ZNF202: variants seen among roughly 807,000 people sequenced by gnomAD.
The protein encoded by ZNF202 is zinc finger protein with KRAB and SCAN domains 10.
In ZNF202, 22 loss-of-function variants were observed where a neutral mutation model predicts 54.5. The ratio of observed to expected loss-of-function variants is 0.40; its 90% confidence interval spans 0.29 to 0.58. The LOEUF (loss-of-function observed/expected upper bound fraction) is 0.58, where lower values mean the gene tolerates loss of function less well. Ranked by LOEUF, ZNF202 falls within the 20% of genes least tolerant of loss-of-function variation. The probability of loss-of-function intolerance (pLI) is 0.39; values close to 1 mark genes in which losing one functional copy is unlikely to be tolerated. For missense variants in ZNF202, 644 were observed against 805.5 expected (o/e 0.80, Z 2.43); for synonymous variants, 294 against 301.4 (o/e 0.98, Z 0.26).
intron 6 of ZNF202, among the ~76,000 whole-genome samples, chr11:123,728,829 A>AC (rs1861272761): frequency 6.6e-6 from 1 of 152,050 alleles, no homozygotes; most frequent in Non-Finnish European, 1.5e-5. Flanking sequence ...TTAAAAAAAA[A>AC]AAAAACTAAA....
rs1031481128 is a variant in ZNF202 at position 123,726,726 on chromosome 11, G to A, written c.1218C>T (p.Phe406=). The A allele has an allele frequency of 1.2e-6, 2 of 1,614,220 alleles. No individual in the cohort carries two copies. The highest frequency in any genetic ancestry group is 4.5e-5 in the East Asian group (2 of 44,886). The change falls in exon 9 of 9, where the codon TTC becomes TTT. Residue 406 remains phenylalanine, a synonymous_variant. Transcript: ENST00000530393. This position sits in a 1 kb window ranked among gnomAD's most constrained non-coding sequence, Gnocchi z 6.0. ...GTCTAACAAGGTGGGAGTTACAAGT[G>A]AAGCTCTTTCCACACACAGAACAGT... ...HHDCSVCGKS[F]TCNSHLVRHL...
At chr11:123,737,845 A>G (rs1168916889) in intron 3 of ZNF202, among the ~76,000 whole-genome samples, 1 of 152,144 alleles carries the variant, frequency 6.6e-6, no homozygotes, top group Non-Finnish European at 1.5e-5. Context: ...GAGTCTTGGG[A>G]TGATTCTTTA....
At chr11:123,729,469 G>C in intron 5 of ZNF202, 146 bp downstream of exon 5, 1 of 1,067,562 alleles carries the variant, frequency 9.4e-7, no homozygotes, top group East Asian at 2.6e-5. Flanking sequence ...TGGCGGTACT[G>C]TCTCCTCTTG....
chr11:123,737,441 G>T (rs1175025661), intron 3 of ZNF202, among the ~76,000 whole-genome samples: 1 of 152,116 alleles, frequency 6.6e-6, no homozygotes, highest in African/African-American at 2.4e-5. Flanking sequence ...GGGAGAAATG[G>T]CTCAAAATTT....
intron 3 of ZNF202, among the ~76,000 whole-genome samples, chr11:123,732,055 C>A (rs2137341772): frequency 6.6e-6 from 1 of 152,318 alleles, no homozygotes; most frequent in South Asian, 2.1e-4. Context: ...TCTGCACAGG[C>A]TACTCTCCAC....
intron 3 of ZNF202, among the ~76,000 whole-genome samples, chr11:123,735,426 C>A (rs1396113061): frequency 1.3e-5 from 2 of 152,150 alleles, no homozygotes; most frequent in Non-Finnish European, 2.9e-5. Flanking sequence ...TCAGAAATCA[C>A]AAGCTGAGAT....
Position 123,724,713 on chromosome 11 carries a change from C to T in ZNF202, c.*1284G>A, listed in dbSNP as rs1009638667. ...TAACTGGCAACAGAGATTGTTGGGC[C>T]ATCATGAGATGCTACTTTCTAGCTC... is the stretch of plus-strand genomic sequence containing the variant. On this transcript the variant is annotated 3_prime_UTR_variant, in exon 9 of 9. Transcript: ENST00000530393. The T allele has an allele frequency of 1.3e-5, 2 of 152,200 alleles. No homozygotes were observed. Among genetic ancestry groups the T allele is most frequent in the Admixed American group, 6.5e-5 (1 of 15,282 alleles). 9.4% of individuals were successfully genotyped at this position (152,200 alleles called of 1,614,324 possible). A position where few individuals can be genotyped will look rare whatever the true frequency, so the allele number is the denominator to read the frequency against.
intron 3 of ZNF202, among the ~76,000 whole-genome samples, chr11:123,733,808 G>C (rs1468501334): frequency 6.6e-6 from 1 of 152,126 alleles, no homozygotes; most frequent in Non-Finnish European, 1.5e-5. Flanking sequence ...GTAATGTTTG[G>C]CCTACCCAAG....
chr11:123,725,921 T>C lies in ZNF202; in HGVS notation c.*76A>G. 1 of 1,508,148 alleles carries C rather than the reference T, an allele frequency of 6.6e-7. No individual in the cohort carries two copies. The highest frequency in any genetic ancestry group is 2.2e-5 in the Admixed American group (1 of 46,342). The allele number at this position is 1,508,148 out of a possible 1,614,324, so 93.4% of individuals were successfully genotyped here. A position where few individuals can be genotyped will look rare whatever the true frequency, so the allele number is the denominator to read the frequency against. On this transcript the variant is annotated 3_prime_UTR_variant, in exon 9 of 9. Coordinates refer to ENST00000530393, the MANE Select transcript of ZNF202 (RefSeq NM_003455.4). ...CTCCCTCGAAAAGGTCTTCCCAGGC[T>C]GACAAGAGGGCTTTTCCTCTTCCTC...
In ZNF202 at chr11:123,730,983, G is replaced by A. The variant is rs750757970; in HGVS notation, c.-95C>T. On this transcript the variant is annotated splice_region_variant and 5_prime_UTR_variant, in exon 4 of 9. Transcript: ENST00000530393. This position sits in a 1 kb window ranked among gnomAD's most constrained non-coding sequence, Gnocchi z 6.0. ...ACACAGCGAGGATTTTCTTCCAAGGGCCCTGGATAGAGAAGTAAAGACAAA... is the reference window on the plus strand; with the variant it reads ...ACACAGCGAGGATTTTCTTCCAAGGACCCTGGATAGAGAAGTAAAGACAAA... 3.4e-4 allele frequency: 485 copies of A among 1,430,326 alleles called. No homozygotes were observed. The highest frequency in any genetic ancestry group is 4.4e-4 in the Non-Finnish European group (470 of 1,061,204). 88.6% of individuals were successfully genotyped at this position (1,430,326 alleles called of 1,614,324 possible).
rs767527159 is a variant in ZNF202, at chr11:123,727,570, C to G, written c.858G>C (p.Glu286Asp). The G allele has an allele frequency of 7.4e-6, 12 of 1,614,080 alleles. No individual in the cohort carries two copies. The highest frequency in any genetic ancestry group is 5.1e-6 in the Non-Finnish European group (6 of 1,179,986). ...GCTCTTCCTCTCTAACCTGGGAGAT[C>G]TCATCAGGTCTGGGGATTGGAAATG... is the stretch of plus-strand genomic sequence containing the variant. ...SLSFPIPRPD[E>D]ISQVREEEPW... Residue 286 changes from glutamate to aspartate, a missense_variant, in exon 8 of 9, where the codon GAG becomes GAC. Glu to Asp is a conservative substitution (Grantham distance 45). Transcript: ENST00000530393.
At position 123,730,654 on chromosome 11, in the gene ZNF202, T is replaced by C; in HGVS notation, c.235A>G (p.Arg79Gly). ...TCTAGGATCTGCTCCTTTGTCCGCCTCTCTGGTCTCAGCCACTGGTGACAA... is the reference window on the plus strand; with the variant it reads ...TCTAGGATCTGCTCCTTTGTCCGCCCCTCTGGTCTCAGCCACTGGTGACAA... The part of the protein sequence containing the change: ...ELCHQWLRPE[R>G]RTKEQILELL... Residue 79 changes from arginine to glycine, a missense_variant, in exon 4 of 9, where the codon AGG becomes GGG. Arg to Gly is a moderately radical substitution (Grantham distance 125). Around this residue, in one of 3 missense-constraint regions of ZNF202, gnomAD observed 62 missense variants for 122.8 expected, o/e 0.50. Transcript: ENST00000530393. The surrounding 1 kb of genome is among the most constrained non-coding windows in gnomAD (Gnocchi z 6.0). 6.2e-7 allele frequency: 1 copy of C among 1,613,984 alleles called. No individual in the cohort carries two copies. The highest frequency in any genetic ancestry group is 8.5e-7 in the Non-Finnish European group (1 of 1,179,896).
At position 123,726,046 on chromosome 11, in the gene ZNF202, C is replaced by A. The variant is rs1487623543; in HGVS notation, c.1898G>T (p.Gly633Val). ...CPTCGKSFSR[G>V]YHLIRHQRTH... ...CCTCTGATGCCTAATTAAGTGATAT[C>A]CTCTGCTGAAGCTTTTTCCACAGGT... The change falls in exon 9 of 9, where the codon GGA becomes GTA. Residue 633 changes from glycine (G) to valine (V), a missense_variant. Gly to Val is a moderately radical substitution (Grantham distance 109). Coordinates refer to ENST00000530393, the MANE Select transcript of ZNF202 (RefSeq NM_003455.4). The surrounding 1 kb of genome is among the most constrained non-coding windows in gnomAD (Gnocchi z 6.0). The A allele has an allele frequency of 1.7e-5, 27 of 1,614,058 alleles. No homozygotes were observed. Among genetic ancestry groups the A allele is most frequent in the Non-Finnish European group, 2.3e-5 (27 of 1,180,036 alleles).
Position 123,735,651 on chromosome 11 carries a change from G to C in ZNF202, c.-98+4466C>G, listed in dbSNP as rs10502267. ...AAACTGGAGCTTCCCTGAGGGTTTC[G>C]TGAAGTAACGTACCCAAGAGCCCTT... On this transcript the variant is annotated intron_variant, in intron 3 of 8. Transcript: ENST00000530393. 6.6e-5 allele frequency among the ~76,000 whole-genome samples: 10 copies of C among 152,156 alleles called. No homozygotes were observed. The South Asian group carries it at 1.7e-3, about 25-fold the overall frequency.
intron 3 of ZNF202, among the ~76,000 whole-genome samples, chr11:123,731,602 G>A (rs1440766376): frequency 6.6e-6 from 1 of 152,198 alleles, no homozygotes; most frequent in Non-Finnish European, 1.5e-5. Context: ...TCCTGGCTCT[G>A]TCGCTTACTA....
At chr11:123,732,663 C>T (rs909927396) in intron 3 of ZNF202, among the ~76,000 whole-genome samples, 19 of 152,156 alleles carry the variant, frequency 1.2e-4, no homozygotes, top group African/African-American at 4.1e-4. Flanking sequence ...ATTACATAGC[C>T]ATCGCTCATC....
chr11:123,727,424 C>CT (rs898083829), intron 8 of ZNF202, 52 bp downstream of exon 8: 13 of 1,608,836 alleles, frequency 8.1e-6, no homozygotes, highest in Non-Finnish European at 1.1e-5. Flanking sequence ...GAAGCACTGC[C>CT]TAGAGGAACT....
chr11:123,737,116 G>A (rs1339280851), intron 3 of ZNF202, among the ~76,000 whole-genome samples: 1 of 152,092 alleles, frequency 6.6e-6, no homozygotes, highest in Non-Finnish European at 1.5e-5. Flanking sequence ...GAATACAGAT[G>A]AGAAGGAACC....
chr11:123,734,037 T>C (rs1244617225), intron 3 of ZNF202, among the ~76,000 whole-genome samples: 2 of 152,194 alleles, frequency 1.3e-5, no homozygotes, highest in Admixed American at 1.3e-4. Context: ...TATACTTATT[T>C]TTCTAGTGGT....
Sources: gnomAD v4.1 joint callset for allele counts (sites outside exome capture counted in the v4.1 genomes callset) on GRCh38, gnomAD v4.1.1 for gene constraint, gnomAD v4.1.1 regional missense constraint, Gnocchi (gnomAD v3.1) non-coding constraint, MANE v1.5 for transcripts, NCBI Gene and HGNC (gene_info 2026-07-23, HGNC 2026-07-21) for gene names.